ABCC9: variants seen among roughly 807,000 people sequenced by gnomAD.
ABCC9 encodes the protein ATP-binding cassette sub-family C member 9.
ABCC9 carries 95 observed loss-of-function variants against 188.3 expected under a neutral mutation model. The ratio of observed to expected loss-of-function variants is 0.50; its 90% CI spans 0.43 to 0.60. The LOEUF is 0.60. Among genes scored for constraint, ABCC9 ranks in the 20% least tolerant of loss-of-function variants. The pLI, the probability that ABCC9 is intolerant of heterozygous loss-of-function variation, is 0.00. For missense variants in ABCC9, 1,102 were observed against 1,876.3 expected (o/e 0.59, Z 7.62); for synonymous variants, 659 against 652.7 (o/e 1.01, Z -0.15).
chr12:21,829,111 G>T, intron 30 of ABCC9, 51 bp from the exon 31 acceptor site: 1 of 1,199,996 alleles, frequency 8.3e-7, no homozygotes, highest in African/African-American at 1.6e-5. Flanking sequence ...GAGGTAATAA[G>T]AAACAGTCAC....
intron 36 of ABCC9, among the ~76,000 whole-genome samples, chr12:21,811,253 T>C (rs1942217894): frequency 6.6e-6 from 1 of 152,122 alleles, no homozygotes; most frequent in South Asian, 2.1e-4. Context: ...GATTGTAAGT[T>C]TCCTGAGGCC....
intron 7 of ABCC9, 27 bp from the exon 8 acceptor site, chr12:21,913,093 AC>A (rs1217842126): frequency 1.9e-5 from 30 of 1,578,466 alleles, no homozygotes; most frequent in Non-Finnish European, 2.5e-5. Context: ...GAAAAAAAAA[AC>A]AGATGTAACA....
At position 21,800,118 on chromosome 12, in the gene ABCC9, T is replaced by C. The variant is rs1941360595; in HGVS notation, c.*926A>G. The C allele has an allele frequency of 6.6e-6, 1 of 152,190 alleles. No individual in the cohort carries two copies. The highest frequency in any genetic ancestry group is 1.5e-5 in the Non-Finnish European group (1 of 68,036). 9.4% of individuals were successfully genotyped at this position (152,190 alleles called of 1,614,324 possible). A position where few individuals can be genotyped will look rare whatever the true frequency, so the allele number is the denominator to read the frequency against. ...GTGTAAGATATCTCCAGCCTGCCAG[T>C]GGACTGTTTCATAGGAAATATCTCA... On this transcript the variant is annotated 3_prime_UTR_variant, in exon 40 of 40. Coordinates refer to ENST00000261200, the MANE Select transcript of ABCC9 (RefSeq NM_020297.4).
rs925855074 is a variant in ABCC9, at chr12:21,797,834, T to G, written c.*3210A>C. The stretch of plus-strand genomic sequence containing the variant: ...CCTGGTATTTTAATATAATGCTTTA[T>G]GCATTTATTGCTTCTTATGAGATTA... On this transcript the variant is annotated 3_prime_UTR_variant, in exon 40 of 40. Coordinates refer to ENST00000261200, the MANE Select transcript of ABCC9 (RefSeq NM_020297.4). 3.9e-5 allele frequency: 6 copies of G among 152,234 alleles called. No homozygotes were observed. The highest frequency in any genetic ancestry group is 1.4e-4 in the African/African-American group (6 of 41,466). 9.4% of individuals were successfully genotyped at this position (152,234 alleles called of 1,614,324 possible).
intron 16 of ABCC9, 27 bp downstream of exon 16, chr12:21,882,739 T>C (rs776462146): frequency 5.8e-6 from 9 of 1,544,474 alleles, no homozygotes; most frequent in South Asian, 4.5e-5. Context: ...TTTCTATTCA[T>C]GTAAGAATCC....
chr12:21,907,373 C>T (rs1948095062), intron 11 of ABCC9, among the ~76,000 whole-genome samples: 1 of 152,044 alleles, frequency 6.6e-6, no homozygotes, highest in African/African-American at 2.4e-5. Context: ...ACTTGAGAAA[C>T]AATCCTGTCA....
At chr12:21,875,588 A>G in intron 17 of ABCC9, 66 bp downstream of exon 17, 2 of 1,205,632 alleles carry the variant, frequency 1.7e-6, no homozygotes, top group Admixed American at 3.5e-5. Context: ...GTTAGGCTCA[A>G]TTATCTTGGA....
At chr12:21,903,844 G>A (rs1328901479) in intron 12 of ABCC9, among the ~76,000 whole-genome samples, 1 of 152,214 alleles carries the variant, frequency 6.6e-6, no homozygotes, top group Non-Finnish European at 1.5e-5. Flanking sequence ...TCATGAAAAT[G>A]GGCATACTGC....
At position 21,815,780 on chromosome 12, in the gene ABCC9, TGTAAGCCTTGAC is replaced by T; in HGVS notation, c.3994_4005del (p.Val1332_Tyr1335del). Reference sequence around the variant, plus strand: ...TTTCATACCTTTTGTCCAGGTTTGATGTAAGCCTTGACGTGCTTAAGAACAGGTTTCAGATTA... The same window carrying T: ...TTTCATACCTTTTGTCCAGGTTTGATGTGCTTAAGAACAGGTTTCAGATTA... On this transcript the variant is annotated inframe_deletion, in exon 34 of 40. Coordinates refer to ENST00000261200, the MANE Select transcript of ABCC9 (RefSeq NM_020297.4). 1 of 1,613,166 alleles carries T rather than the reference TGTAAGCCTTGAC, an allele frequency of 6.2e-7. No individual in the cohort carries two copies.
intron 22 of ABCC9, among the ~76,000 whole-genome samples, chr12:21,856,513 A>AT (rs11428877): frequency 0.99 from 151,475 of 152,258 alleles, 75,352 homozygotes; most frequent in Middle Eastern, 1. Context: ...CAAAAATAAT[A>AT]TTTTTGATAC....
At chr12:21,836,218 G>GAACACAAT (rs1361121157) in intron 30 of ABCC9, among the ~76,000 whole-genome samples, 1 of 152,096 alleles carries the variant, frequency 6.6e-6, no homozygotes, top group African/African-American at 2.4e-5. Flanking sequence ...TTATTGTGAT[G>GAACACAAT]AACACAACTC....
At chr12:21,919,717 A>G (rs1948730987) in intron 5 of ABCC9, among the ~76,000 whole-genome samples, 1 of 152,038 alleles carries the variant, frequency 6.6e-6, no homozygotes, top group South Asian at 2.1e-4. Context: ...AATTAACCTT[A>G]TACAAAGTCT....
intron 30 of ABCC9, among the ~76,000 whole-genome samples, chr12:21,832,243 T>C (rs1461968007): frequency 6.6e-6 from 1 of 152,206 alleles, no homozygotes; most frequent in Non-Finnish European, 1.5e-5. Flanking sequence ...GTAAACTACT[T>C]GAGGGAGTTC....
At chr12:21,902,694 G>C (rs530486287) in intron 12 of ABCC9, among the ~76,000 whole-genome samples, 1 of 152,290 alleles carries the variant, frequency 6.6e-6, no homozygotes, top group African/African-American at 2.4e-5. Flanking sequence ...AAATCTAGAA[G>C]AAATGGATAA....
At chr12:21,908,426 C>T (rs193000406) in intron 10 of ABCC9, among the ~76,000 whole-genome samples, 2 of 151,932 alleles carry the variant, frequency 1.3e-5, no homozygotes, top group Non-Finnish European at 2.9e-5. Flanking sequence ...TTGGGGAAGG[C>T]TAAGTGCTAG....
intron 38 of ABCC9, among the ~76,000 whole-genome samples, chr12:21,806,415 G>C (rs1448062665): frequency 6.6e-6 from 1 of 152,082 alleles, no homozygotes; most frequent in East Asian, 1.9e-4. Flanking sequence ...GTTAACCTTT[G>C]AGTCAAAAAA....
At chr12:21,923,309 A>G (rs1948910853) in intron 5 of ABCC9, 1 of 151,372 alleles carries the variant, frequency 6.6e-6, no homozygotes, top group African/African-American at 2.4e-5. Flanking sequence ...GAAATTTAAA[A>G]TCTTCTGCTC....
Position 21,852,437 on chromosome 12 carries a change from G to A in ABCC9, c.2574C>T (p.Phe858=), listed in dbSNP as rs1273498300. 3.7e-6 allele frequency: 6 copies of A among 1,613,736 alleles called. No homozygotes were observed. The highest frequency in any genetic ancestry group is 1.7e-5 in the Admixed American group (1 of 60,002). ...DHLMQEGILK[F]LQDDKRTLVL... Reference sequence around the variant, plus strand: ...CGAGTGTCCTTTTGTCATCTTGCAGGAATTTCAAAATCCCCTCCTGCATTA... The same window carrying A: ...CGAGTGTCCTTTTGTCATCTTGCAGAAATTTCAAAATCCCCTCCTGCATTA... The change falls in exon 23 of 40, where the codon TTC becomes TTT. Residue 858 remains phenylalanine (F), a synonymous_variant. Transcript: ENST00000261200.
chr12:21,927,735 A>G (rs1358179219), intron 4 of ABCC9, among the ~76,000 whole-genome samples: 1 of 152,220 alleles, frequency 6.6e-6, no homozygotes, highest in Non-Finnish European at 1.5e-5. Context: ...CATTTGGAAC[A>G]TGGTCAGTGA....
Sources: allele counts gnomAD v4.1 joint callset (sites outside exome capture counted in the v4.1 genomes callset), GRCh38; gene constraint gnomAD v4.1.1; transcripts MANE v1.5; gene names NCBI Gene and HGNC (gene_info 2026-07-23, HGNC 2026-07-21).